Variants in WDR7 observed in about 807,000 individuals in gnomAD.
WDR7 encodes the protein WD repeat domain 7, also known as WD repeat-containing protein 7.
WDR7 carries 46 observed loss-of-function variants against 169.4 expected under a neutral mutation model. That is an observed-to-expected ratio of 0.27 (90% CI 0.21 to 0.35). WDR7 has a LOEUF of 0.35. Ranked by LOEUF, WDR7 falls within the 10% of genes least tolerant of loss-of-function variation. The pLI is 1.00. For missense variants in WDR7, 1,534 were observed against 1,859.3 expected (o/e 0.83, Z 3.22); for synonymous variants, 612 against 666.8 (o/e 0.92, Z 1.27).
At chr18:56,946,968 A>G (rs912988836) in intron 25 of WDR7, among the ~76,000 whole-genome samples, 8 of 152,242 alleles carry the variant, frequency 5.3e-5, no homozygotes, top group Non-Finnish European at 1.2e-4. Flanking sequence ...ATAGCTTTAA[A>G]TATTTCCTAA....
intron 14 of WDR7, among the ~76,000 whole-genome samples, chr18:56,748,418 A>C (rs2043737370): frequency 6.6e-6 from 1 of 152,318 alleles, no homozygotes; most frequent in Non-Finnish European, 1.5e-5. Context: ...TTAATATATT[A>C]ATACTATTTG....
At chr18:56,999,626 T>C (rs1186395594) in intron 26 of WDR7, among the ~76,000 whole-genome samples, 1 of 152,136 alleles carries the variant, frequency 6.6e-6, no homozygotes, top group African/African-American at 2.4e-5. Context: ...AAGATGTTCT[T>C]TGTGTTGACA....
intron 1 of WDR7, among the ~76,000 whole-genome samples, chr18:56,671,007 T>C (rs1479027316): frequency 6.6e-6 from 1 of 152,192 alleles, no homozygotes; most frequent in Admixed American, 6.5e-5. Context: ...CCCTAAATAT[T>C]GTTTTGCCAA....
At chr18:56,956,431 T>G (rs2047251408) in intron 25 of WDR7, among the ~76,000 whole-genome samples, 1 of 152,122 alleles carries the variant, frequency 6.6e-6, no homozygotes, top group South Asian at 2.1e-4. Context: ...CCCCCTTGAT[T>G]GTGGCTATGG....
chr18:56,856,833 A>G (rs1045768121), intron 20 of WDR7, among the ~76,000 whole-genome samples: 6 of 152,080 alleles, frequency 3.9e-5, no homozygotes, highest in Non-Finnish European at 7.4e-5. Context: ...TGTTTTTGAG[A>G]AGTAGAGATT....
chr18:56,864,819 T>C (rs1599111511), intron 20 of WDR7, among the ~76,000 whole-genome samples: 1 of 151,936 alleles, frequency 6.6e-6, no homozygotes, highest in Non-Finnish European at 1.5e-5. Flanking sequence ...TGCCTCCTGA[T>C]GAATTCTCTA....
Position 56,731,543 on chromosome 18 carries a change from T to C in WDR7, c.1935T>C (p.His645=), listed in dbSNP as rs1030672802. 6.2e-7 allele frequency: 1 copy of C among 1,614,066 alleles called. No homozygotes were observed. Among genetic ancestry groups the C allele is most frequent in the South Asian group, 1.1e-5 (1 of 91,084 alleles). The change falls in exon 14 of 28, where the codon CAT becomes CAC. Residue 645 remains histidine (H), a synonymous_variant. Coordinates refer to ENST00000254442, the MANE Select transcript of WDR7 (RefSeq NM_015285.3). Reference sequence around the variant, plus strand: ...TTGCTGCTCTTAAAAATATGGCCCATCATAAGCTACAAACCCTTGCAACTA... The same window carrying C: ...TTGCTGCTCTTAAAAATATGGCCCACCATAAGCTACAAACCCTTGCAACTA... The part of the protein sequence containing the change: ...RSLAALKNMA[H]HKLQTLATNL...
At chr18:56,830,560 G>A (rs1419613427) in intron 20 of WDR7, among the ~76,000 whole-genome samples, 1 of 152,180 alleles carries the variant, frequency 6.6e-6, no homozygotes, top group Non-Finnish European at 1.5e-5. Context: ...CCATCATGGT[G>A]CTACCTCTAG....
intron 19 of WDR7, among the ~76,000 whole-genome samples, chr18:56,796,885 G>T (rs74336822): frequency 0.026 from 4,017 of 152,216 alleles, 73 homozygotes; most frequent in African/African-American, 0.051. Flanking sequence ...AAATTTGAGG[G>T]GAGTTTGTTT....
chr18:56,685,991 C>T lies in WDR7; in HGVS notation c.556C>T (p.Leu186=), dbSNP rs1188706388. The T allele has an allele frequency of 6.3e-7, 1 of 1,599,814 alleles. No individual in the cohort carries two copies. The highest frequency in any genetic ancestry group is 2.3e-5 in the East Asian group (1 of 44,398). ...TVVALSVTGI[L]KVWIVTSEIS... is the part of the protein sequence containing the mutation. ...GGTAGCACTCTCGGTGACTGGCATCCTGAAGGTCTGGATTGTTACCTCGGA... is the reference window on the plus strand; with the variant it reads ...GGTAGCACTCTCGGTGACTGGCATCTTGAAGGTCTGGATTGTTACCTCGGA... The change falls in exon 6 of 28, where the codon CTG becomes TTG. Residue 186 remains leucine, a synonymous_variant. Transcript: ENST00000254442.
Position 57,027,261 on chromosome 18 carries a change from A to G in WDR7, c.*54A>G. 8 of 1,544,468 alleles carry G rather than the reference A, an allele frequency of 5.2e-6. No individual in the cohort carries two copies. The highest frequency in any genetic ancestry group is 6.1e-6 in the Non-Finnish European group (7 of 1,147,172). On this transcript the variant is annotated 3_prime_UTR_variant, in exon 28 of 28. Coordinates refer to ENST00000254442, the MANE Select transcript of WDR7 (RefSeq NM_015285.3). ...TTAGTTCTCTAAATTATCCAAGCCGATGTTGCTCTGTCCTTCCTCACACCA... is the reference window on the plus strand; with the variant it reads ...TTAGTTCTCTAAATTATCCAAGCCGGTGTTGCTCTGTCCTTCCTCACACCA...
intron 1 of WDR7, among the ~76,000 whole-genome samples, chr18:56,658,144 C>G (rs896273734): frequency 2.0e-5 from 3 of 152,144 alleles, no homozygotes. Flanking sequence ...CGCTCTGTCG[C>G]CCAGGCTAGA....
intron 1 of WDR7, among the ~76,000 whole-genome samples, chr18:56,661,754 C>T (rs514007): frequency 0.92 from 139,775 of 152,242 alleles, 65,327 homozygotes; most frequent in East Asian, 1. Flanking sequence ...AGGAAGCAGC[C>T]GAGTAGTTTC....
intron 22 of WDR7, among the ~76,000 whole-genome samples, chr18:56,932,754 A>G (rs930892543): frequency 6.6e-6 from 1 of 152,206 alleles, no homozygotes; most frequent in Non-Finnish European, 1.5e-5. Flanking sequence ...GGGTGGCCAC[A>G]GGACACAGCA....
intron 19 of WDR7, among the ~76,000 whole-genome samples, chr18:56,788,262 T>A (rs1487505259): frequency 6.6e-6 from 1 of 152,192 alleles, no homozygotes; most frequent in Non-Finnish European, 1.5e-5. Context: ...AGAATATACT[T>A]CTTTATTTGA....
chr18:56,941,455 G>C (rs1471417904), intron 25 of WDR7, among the ~76,000 whole-genome samples: 1 of 152,166 alleles, frequency 6.6e-6, no homozygotes, highest in African/African-American at 2.4e-5. Flanking sequence ...AGGATAATTA[G>C]GGGTGTGTCA....
At chr18:56,754,373 G>GTATA (rs565998465) in intron 14 of WDR7, among the ~76,000 whole-genome samples, 2 of 147,322 alleles carry the variant, frequency 1.4e-5, no homozygotes, top group African/African-American at 5.0e-5. Flanking sequence ...ATATATACAC[G>GTATA]TATATATGTG....
At chr18:57,010,931 T>G (rs1489420410) in intron 26 of WDR7, among the ~76,000 whole-genome samples, 1 of 152,210 alleles carries the variant, frequency 6.6e-6, no homozygotes, top group African/African-American at 2.4e-5. Flanking sequence ...TGCTGTATGA[T>G]GATTACAGCG....
At chr18:56,668,248 C>T (rs1010872429) in intron 1 of WDR7, among the ~76,000 whole-genome samples, 3 of 152,180 alleles carry the variant, frequency 2.0e-5, no homozygotes, top group Admixed American at 6.6e-5. Flanking sequence ...TGTTTTTTCA[C>T]CATTCTGCCT....
Sources: allele counts gnomAD v4.1 joint callset (sites outside exome capture counted in the v4.1 genomes callset), GRCh38; gene constraint gnomAD v4.1.1; transcripts MANE v1.5; gene names NCBI Gene and HGNC (gene_info 2026-07-23, HGNC 2026-07-21).